ZNF804B: variants seen among roughly 807,000 people sequenced by gnomAD.
The protein encoded by ZNF804B is zinc finger 804B.
Under a neutral mutation model 101.4 loss-of-function variants are expected in ZNF804B, and 80 were observed. The ratio of observed to expected loss-of-function variants is 0.79; its 90% CI spans 0.66 to 0.95. ZNF804B has a LOEUF of 0.95. Among genes scored for constraint, ZNF804B ranks in the 40% least tolerant of loss-of-function variants. The pLI, the probability that ZNF804B is intolerant of heterozygous loss-of-function variation, is 0.00. For synonymous variants in ZNF804B, 622 were observed against 558.8 expected, an observed-to-expected ratio of 1.11 and a Z score of -1.59; for missense variants, 1,673 against 1,561.9, an observed-to-expected ratio of 1.07 and a Z score of -1.20.
chr7:88,776,780 AC>A (rs10707553), intron 1 of ZNF804B, among the ~76,000 whole-genome samples: 28,926 of 83,174 alleles, frequency 0.35, 5,748 homozygotes, highest in African/African-American at 0.56. Flanking sequence ...TAACCCATAA[AC>A]CCCCCCCCCC....
chr7:89,066,116 G>A (rs1405770261), intron 1 of ZNF804B, among the ~76,000 whole-genome samples: 1 of 152,120 alleles, frequency 6.6e-6, no homozygotes, highest in Non-Finnish European at 1.5e-5. Flanking sequence ...TTTACCTAAG[G>A]TTTGGTAGTG....
intron 1 of ZNF804B, among the ~76,000 whole-genome samples, chr7:88,956,841 C>T (rs1793317297): frequency 1.3e-5 from 2 of 151,542 alleles, no homozygotes; most frequent in East Asian, 2.0e-4. Context: ...ATGCTAGCAA[C>T]TCTATTTTAC....
At chr7:88,875,507 T>A (rs1347730122) in intron 1 of ZNF804B, among the ~76,000 whole-genome samples, 1 of 152,032 alleles carries the variant, frequency 6.6e-6, no homozygotes, top group Non-Finnish European at 1.5e-5. Context: ...AAATACAAAC[T>A]ACCATCAGAG....
At chr7:89,252,486 G>C (rs1433815693) in intron 2 of ZNF804B, among the ~76,000 whole-genome samples, 1 of 152,142 alleles carries the variant, frequency 6.6e-6, no homozygotes, top group Non-Finnish European at 1.5e-5. Flanking sequence ...CATTTCCCTA[G>C]AACTTAAAAC....
chr7:89,234,614 C>A (rs932263924), intron 2 of ZNF804B, among the ~76,000 whole-genome samples: 2 of 152,108 alleles, frequency 1.3e-5, no homozygotes, highest in African/African-American at 2.4e-5. Context: ...TAGAAACAAG[C>A]AGATGAAAGC....
chr7:89,133,998 A>G (rs560620919), intron 1 of ZNF804B, among the ~76,000 whole-genome samples: 2 of 152,178 alleles, frequency 1.3e-5, no homozygotes, highest in Non-Finnish European at 2.9e-5. Context: ...TTTTCAGTGG[A>G]TGAAAGTGGA....
At chr7:88,889,576 C>A (rs561809683) in intron 1 of ZNF804B, among the ~76,000 whole-genome samples, 1 of 152,148 alleles carries the variant, frequency 6.6e-6, no homozygotes, top group East Asian at 1.9e-4. Flanking sequence ...GTTTGTTGGC[C>A]ATTTGTATGT....
At chr7:89,190,926 A>T (rs1040822168) in intron 1 of ZNF804B, among the ~76,000 whole-genome samples, 3 of 152,178 alleles carry the variant, frequency 2.0e-5, no homozygotes, top group African/African-American at 7.2e-5. Flanking sequence ...TGCACACATA[A>T]TAGACTATAG....
At chr7:89,009,399 C>A (rs1243271806) in intron 1 of ZNF804B, among the ~76,000 whole-genome samples, 1 of 152,076 alleles carries the variant, frequency 6.6e-6, no homozygotes, top group African/African-American at 2.4e-5. Flanking sequence ...CATTTGCTCA[C>A]AAGATAAATA....
intron 1 of ZNF804B, among the ~76,000 whole-genome samples, chr7:88,988,409 A>G (rs1275768108): frequency 6.6e-6 from 1 of 152,126 alleles, no homozygotes; most frequent in Non-Finnish European, 1.5e-5. Flanking sequence ...TCTATTTTGC[A>G]TATAATGACA....
At chr7:88,832,141 A>C (rs1032591942) in intron 1 of ZNF804B, among the ~76,000 whole-genome samples, 8 of 150,876 alleles carry the variant, frequency 5.3e-5, no homozygotes, top group Non-Finnish European at 7.4e-5. Context: ...GCCAATGGTG[A>C]TGCATTTCCA....
chr7:89,238,833 G>T (rs1789320917), intron 2 of ZNF804B, among the ~76,000 whole-genome samples: 1 of 152,182 alleles, frequency 6.6e-6, no homozygotes, highest in Admixed American at 6.6e-5. Context: ...GGGAAATGAA[G>T]ATGCCCTGGG....
At chr7:88,764,124 T>C (rs1203536896) in intron 1 of ZNF804B, among the ~76,000 whole-genome samples, 3 of 152,190 alleles carry the variant, frequency 2.0e-5, no homozygotes, top group East Asian at 1.9e-4. Context: ...CTTTTAGTTA[T>C]GTGATCTGAA....
rs1584067608 is a variant in ZNF804B at position 89,006,959 on chromosome 7, C to CCAGCAGA, written c.109-211195_109-211189dup. ...ATACTGCACTGGGCAGGTGGCTTGA[C>CCAGCAGA]CAGCAGATGAAGTGCGTGTTGGCCT... On this transcript the variant is annotated intron_variant, in intron 1 of 3. Coordinates refer to ENST00000333190, the MANE Select transcript of ZNF804B (RefSeq NM_181646.5). Among the ~76,000 whole-genome samples, 3 of 152,102 alleles carry CCAGCAGA rather than the reference C, an allele frequency of 2.0e-5. No homozygotes were observed. The East Asian group carries it at 5.8e-4, about 29-fold the overall frequency.
intron 1 of ZNF804B, among the ~76,000 whole-genome samples, chr7:89,201,057 G>A (rs995612732): frequency 2.0e-4 from 30 of 151,880 alleles, no homozygotes; most frequent in African/African-American, 5.6e-4. Context: ...AAGCTTCATC[G>A]TATTTATTTA....
chr7:88,781,383 C>T (rs1179125146), intron 1 of ZNF804B, among the ~76,000 whole-genome samples: 3 of 152,106 alleles, frequency 2.0e-5, no homozygotes, highest in Non-Finnish European at 4.4e-5. Flanking sequence ...CTTGCTAAAA[C>T]ATGTTCTAGA....
chr7:89,147,083 G>GTATATA (rs147620052), intron 1 of ZNF804B, among the ~76,000 whole-genome samples: 4,426 of 140,118 alleles, frequency 0.032, 242 homozygotes, highest in African/African-American at 0.11. Flanking sequence ...GGATAATCAG[G>GTATATA]TATATATATA....
chr7:88,812,557 G>T (rs1223794805), intron 1 of ZNF804B, among the ~76,000 whole-genome samples: 1 of 152,088 alleles, frequency 6.6e-6, no homozygotes, highest in Non-Finnish European at 1.5e-5. Context: ...AGAGATATTT[G>T]CCCACCCATG....
intron 1 of ZNF804B, among the ~76,000 whole-genome samples, chr7:89,037,566 G>GATATATATATAT (rs59604792): frequency 2.1e-5 from 3 of 145,748 alleles, no homozygotes; most frequent in Admixed American, 6.9e-5. Flanking sequence ...GTAATGCATG[G>GATATATATATAT]ATATATATAT....
Sources: allele counts gnomAD v4.1 joint callset (sites outside exome capture counted in the v4.1 genomes callset), GRCh38; gene constraint gnomAD v4.1.1; transcripts MANE v1.5; gene names NCBI Gene and HGNC (gene_info 2026-07-23, HGNC 2026-07-21).